Variants in UTRN observed in about 807,000 individuals in gnomAD.
The protein encoded by UTRN is dystrophin-related protein 1.
In UTRN, 283 loss-of-function variants were observed where a neutral mutation model predicts 463.9. That is an observed-to-expected ratio of 0.61 (90% confidence interval 0.55 to 0.67). The LOEUF is 0.67. Ranked by LOEUF, UTRN falls within the 30% of genes least tolerant of loss-of-function variation. UTRN has a pLI of 0.00. For synonymous variants in UTRN, 1,442 were observed against 1,431.5 expected, an observed-to-expected ratio of 1.01 and a Z score of -0.17; for missense variants, 3,922 against 4,084.3, an observed-to-expected ratio of 0.96 and a Z score of 1.08.
At chr6:144,557,621 C>A (rs77695956) in intron 50 of UTRN, among the ~76,000 whole-genome samples, 2,219 of 151,958 alleles carry the variant, frequency 0.015, 61 homozygotes, top group African/African-American at 0.051. Flanking sequence ...ACTTTGTAGT[C>A]TTCTGATGGT....
chr6:144,586,011 T>C (rs969216542), intron 51 of UTRN, among the ~76,000 whole-genome samples: 1 of 152,178 alleles, frequency 6.6e-6, no homozygotes. Context: ...TATCTTCTTT[T>C]AAATTCCTCT....
chr6:144,852,647 T>C lies in UTRN; in HGVS notation c.*1650T>C, dbSNP rs1047835676. 3 of 152,628 alleles carry C rather than the reference T, an allele frequency of 2.0e-5. No individual in the cohort carries two copies. The highest frequency in any genetic ancestry group is 4.4e-5 in the Non-Finnish European group (3 of 68,032). The allele number at this position is 152,628 out of a possible 1,614,324, so 9.5% of individuals were successfully genotyped here. A position where few individuals can be genotyped will look rare whatever the true frequency, so the allele number is the denominator to read the frequency against. ...TGCATTGGAAACTGCTTTATGCTGC[T>C]GCAGTCTGCAAAGTCTAGAGCTTTT... On this transcript the variant is annotated 3_prime_UTR_variant, in exon 75 of 75. Coordinates refer to ENST00000367545, the MANE Select transcript of UTRN (RefSeq NM_007124.3).
intron 2 of UTRN, among the ~76,000 whole-genome samples, chr6:144,338,002 C>T (rs1487078786): frequency 6.6e-6 from 1 of 152,168 alleles, no homozygotes; most frequent in Non-Finnish European, 1.5e-5. Context: ...CATTCAATCC[C>T]ATTAGTATAC....
At chr6:144,743,528 A>G (rs753586573) in intron 54 of UTRN, among the ~76,000 whole-genome samples, 2 of 152,152 alleles carry the variant, frequency 1.3e-5, no homozygotes, top group Non-Finnish European at 2.9e-5. Flanking sequence ...GAAATAAAAT[A>G]TTTTTCTAGC....
At position 144,448,221 on chromosome 6, in the gene UTRN, C is replaced by T. The variant is rs577790988; in HGVS notation, c.1903-379C>T. 3.3e-5 allele frequency among the ~76,000 whole-genome samples: 5 copies of T among 152,086 alleles called. No individual in the cohort carries two copies. The East Asian group carries it at 9.7e-4, about 29-fold the overall frequency. ...AATATTATCTGATAATACAAAAGAA[C>T]GAAGTATTGACACATGCTACAACAT... is the stretch of plus-strand genomic sequence containing the variant. On this transcript the variant is annotated intron_variant, in intron 16 of 74. Transcript: ENST00000367545.
Position 144,514,727 on chromosome 6 carries a change from C to T in UTRN, c.5151C>T (p.Ala1717=), listed in dbSNP as rs1163509629. The T allele has an allele frequency of 1.2e-6, 2 of 1,614,056 alleles. 1 individual carries two copies. The highest frequency in any genetic ancestry group is 1.7e-6 in the Non-Finnish European group (2 of 1,179,990). The change falls in exon 37 of 75, where the codon GCC becomes GCT. Residue 1717 remains alanine (A), a synonymous_variant. Transcript: ENST00000367545. ...ATCAAGCCCTTATTTTGATGAATGC[C>T]CGTGGAAGCTCAAGCAGGGAGCTTG... is the stretch of plus-strand genomic sequence containing the variant. The part of the protein sequence containing the change: ...VRDQALILMN[A]RGSSSRELVE...
At chr6:144,365,890 A>G (rs995500496) in intron 2 of UTRN, among the ~76,000 whole-genome samples, 24 of 152,114 alleles carry the variant, frequency 1.6e-4, no homozygotes, top group African/African-American at 5.6e-4. Context: ...GGCATGTGTC[A>G]TCACGCCTGG....
intron 5 of UTRN, 34 bp downstream of exon 5, chr6:144,423,660 C>T (rs764505512): frequency 6.2e-7 from 1 of 1,605,492 alleles, no homozygotes; most frequent in Non-Finnish European, 8.5e-7. Context: ...GGGGTCTGTG[C>T]TGCCATCAGC....
At chr6:144,726,822 A>T (rs1787927398) in intron 53 of UTRN, among the ~76,000 whole-genome samples, 1 of 152,098 alleles carries the variant, frequency 6.6e-6, no homozygotes, top group East Asian at 1.9e-4. Context: ...ACAGCCAAAG[A>T]GATTACTCTA....
intron 53 of UTRN, among the ~76,000 whole-genome samples, chr6:144,718,679 G>T (rs1192327666): frequency 3.9e-5 from 6 of 152,168 alleles, no homozygotes; most frequent in Non-Finnish European, 8.8e-5. Flanking sequence ...GCAAATCTTT[G>T]TCTGGTTTTA....
At chr6:144,400,411 G>A (rs539110006) in intron 2 of UTRN, among the ~76,000 whole-genome samples, 8 of 152,186 alleles carry the variant, frequency 5.3e-5, no homozygotes, top group Middle Eastern at 3.4e-3. Flanking sequence ...ATAGCATGAC[G>A]GAGTTTTAGT....
intron 53 of UTRN, among the ~76,000 whole-genome samples, chr6:144,703,129 T>C (rs907796117): frequency 1.3e-5 from 2 of 152,108 alleles, no homozygotes; most frequent in Non-Finnish European, 2.9e-5. Context: ...TTGGAAAGAA[T>C]CAACAAAATT....
At chr6:144,678,328 T>G (rs1781856000) in intron 51 of UTRN, 78 bp from the exon 52 acceptor site, 1 of 1,394,716 alleles carries the variant, frequency 7.2e-7, no homozygotes, top group African/African-American at 1.4e-5. Context: ...CTATTTTGCT[T>G]GAGAGCAACT....
chr6:144,764,894 C>T lies in UTRN; in HGVS notation c.8495+6905C>T, dbSNP rs116866814. 7.0e-4 allele frequency among the ~76,000 whole-genome samples: 107 copies of T among 152,120 alleles called. 2 individuals are homozygous for T. The East Asian group carries it at 0.018, about 26-fold the overall frequency. On this transcript the variant is annotated intron_variant, in intron 58 of 74. Coordinates refer to ENST00000367545, the MANE Select transcript of UTRN (RefSeq NM_007124.3). Reference sequence around the variant, plus strand: ...GCAAACTTAAAGGATACAATGATCCCCTCAACTGTTGTGGGAACATAGTCC... The same window carrying T: ...GCAAACTTAAAGGATACAATGATCCTCTCAACTGTTGTGGGAACATAGTCC...
intron 21 of UTRN, among the ~76,000 whole-genome samples, chr6:144,460,364 T>C (rs1789290260): frequency 6.6e-6 from 1 of 152,226 alleles, no homozygotes; most frequent in Non-Finnish European, 1.5e-5. Context: ...TGTGAAATGC[T>C]CCACATGTAA....
chr6:144,752,700 G>A lies in UTRN; in HGVS notation c.8355+748G>A, dbSNP rs551753049. On this transcript the variant is annotated intron_variant, in intron 56 of 74. Transcript: ENST00000367545. ...TCTGTTAAATTTATGTGTTTTTCTA[G>A]TGGATGGAACATAGAAATATTTGTT... Among the ~76,000 whole-genome samples the A allele has an allele frequency of 3.9e-5, 6 of 152,250 alleles. No individual in the cohort carries two copies. The South Asian group carries it at 1.0e-3, about 26-fold the overall frequency.
At chr6:144,838,269 A>G (rs1194232162) in intron 71 of UTRN, among the ~76,000 whole-genome samples, 3 of 152,192 alleles carry the variant, frequency 2.0e-5, no homozygotes, top group African/African-American at 7.2e-5. Flanking sequence ...ATCACATAGC[A>G]ATGCTTTTAG....
At chr6:144,539,221 G>A in intron 44 of UTRN, 73 bp from the exon 45 acceptor site, 3 of 1,406,284 alleles carry the variant, frequency 2.1e-6, no homozygotes, top group South Asian at 1.6e-5. Context: ...TACCAAAAAG[G>A]TTTCTAATAC....
At chr6:144,357,606 C>A (rs1005315697) in intron 2 of UTRN, among the ~76,000 whole-genome samples, 1 of 152,208 alleles carries the variant, frequency 6.6e-6, no homozygotes, top group South Asian at 2.1e-4. Flanking sequence ...CTCAAGTCTA[C>A]AAGAACGGAA....
Sources: allele counts gnomAD v4.1 joint callset (sites outside exome capture counted in the v4.1 genomes callset), GRCh38; gene constraint gnomAD v4.1.1; transcripts MANE v1.5; gene names NCBI Gene and HGNC (gene_info 2026-07-23, HGNC 2026-07-21).